MGAM: variants seen among roughly 807,000 people sequenced by gnomAD.
MGAM encodes the protein maltase-glucoamylase, also known as alpha-1,4-glucosidase.
MGAM carries 253 observed loss-of-function variants against 358.8 expected under a neutral mutation model. The observed-to-expected ratio is 0.71, with a 90% CI of 0.64 to 0.78. The LOEUF is 0.78. Among genes scored for constraint, MGAM ranks in the 30% least tolerant of loss-of-function variants. The pLI is 0.00. For missense variants in MGAM, 3,080 were observed against 3,432.6 expected (o/e 0.90, Z 2.57); for synonymous variants, 1,105 against 1,227.1 (o/e 0.90, Z 2.08).
chr7:142,048,051 G>A (rs1424899118), intron 22 of MGAM, among the ~76,000 whole-genome samples, 178 bp downstream of exon 22: 2 of 152,004 alleles, frequency 1.3e-5, no homozygotes, highest in Non-Finnish European at 2.9e-5. Flanking sequence ...ACCTACAAAG[G>A]AAAGAAAAAT....
intron 3 of MGAM, among the ~76,000 whole-genome samples, chr7:142,011,618 T>C (rs1554454382): frequency 1.3e-5 from 2 of 152,168 alleles, no homozygotes; most frequent in African/African-American, 4.8e-5. Context: ...GTAAGTCACA[T>C]TTTCTTATAA....
chr7:142,098,134 TTAGGCAATGTGC>T (rs1196252389), intron 66 of MGAM, among the ~76,000 whole-genome samples: 4 of 152,270 alleles, frequency 2.6e-5, no homozygotes, highest in African/African-American at 9.6e-5. Flanking sequence ...AAGCAAGTGA[TTAGGCAATGTGC>T]AAAACACACA....
intron 2 of MGAM, among the ~76,000 whole-genome samples, chr7:141,988,441 T>C (rs1345618155): frequency 6.6e-6 from 1 of 151,112 alleles, no homozygotes; most frequent in Non-Finnish European, 1.5e-5. Context: ...CTGGGCTCAC[T>C]GCAGTCTCTG....
rs377214911 is a variant in MGAM at position 142,034,702 on chromosome 7, G to A, written c.1820G>A (p.Ser607Asn). 4.3e-6 allele frequency: 7 copies of A among 1,613,396 alleles called. No homozygotes were observed. The highest frequency in any genetic ancestry group is 4.2e-6 in the Non-Finnish European group (5 of 1,179,632). The stretch of plus-strand genomic sequence containing the variant: ...AAGACTGTGTTCCCTAATAAGAGAA[G>A]CTTCATTCTGACCCGTTCTACCTTT... ...AAKTVFPNKR[S>N]FILTRSTFAG... Residue 607 changes from serine to asparagine, a missense_variant, in exon 16 of 71, where the codon AGC (serine) becomes AAC (asparagine). By Grantham distance (46) the Ser-to-Asn change is conservative. Coordinates refer to ENST00000475668, the MANE Select transcript of MGAM (RefSeq NM_001365693.1).
Position 142,074,158 on chromosome 7 carries a change from G to A in MGAM, c.5260G>A (p.Asp1754Asn). 6.5e-7 allele frequency: 1 copy of A among 1,538,270 alleles called. No homozygotes were observed. Residue 1754 changes from aspartate to asparagine, a missense_variant, in exon 45 of 71, where the codon GAT (aspartate) becomes AAT (asparagine). By Grantham distance (23) the Asp-to-Asn change is conservative (BLOSUM62 1). Transcript: ENST00000475668. ...AGCAAAAGGAGAACTTTTCTGGGAT[G>A]ATGGGCAAACAAAGGGTGAGCGCTG... is the stretch of plus-strand genomic sequence containing the variant. The part of the protein sequence containing the change: ...KEAKGELFWD[D>N]GQTKDTVAKK...
chr7:141,987,013 C>T (rs182813749), intron 2 of MGAM, among the ~76,000 whole-genome samples: 1 of 152,194 alleles, frequency 6.6e-6, no homozygotes, highest in Non-Finnish European at 1.5e-5. Context: ...TATGATTAGA[C>T]ATTTTTGGTG....
chr7:142,082,503 CCTA>C lies in MGAM; in HGVS notation c.6205_6207del (p.Tyr2069del). On this transcript the variant is annotated inframe_deletion, in exon 52 of 71. Transcript: ENST00000475668. ...AAGAAGAATTCCTATGGTGTCCACC[CCTA>C]CTACATGGGGCTAGAGGAGGATGGC... is the stretch of plus-strand genomic sequence containing the variant. The C allele has an allele frequency of 1.3e-6, 2 of 1,534,938 alleles. 1 individual carries two copies.
chr7:142,049,632 G>A (rs1285484128), intron 22 of MGAM, among the ~76,000 whole-genome samples: 2 of 152,140 alleles, frequency 1.3e-5, no homozygotes, highest in Non-Finnish European at 2.9e-5. Context: ...TAAAAAGTGG[G>A]TGAAGGACCT....
Position 142,006,583 on chromosome 7 carries a change from C to T in MGAM, c.127+926C>T, listed in dbSNP as rs937824062. Among the ~76,000 whole-genome samples, 3 of 152,116 alleles carry T rather than the reference C, an allele frequency of 2.0e-5. 1 individual carries two copies. Among genetic ancestry groups the T allele is most frequent in the Non-Finnish European group, 4.4e-5 (3 of 68,008 alleles). On this transcript the variant is annotated intron_variant, in intron 2 of 70. Transcript: ENST00000475668. ...CCCTCTTGGGAGCCATTGCTTTGTG[C>T]TTTGTCTTAAGGCTCATACTGGTAA...
At chr7:142,078,233 A>G in intron 47 of MGAM, 85 bp from the exon 48 acceptor site, 2 of 1,122,412 alleles carry the variant, frequency 1.8e-6, no homozygotes, top group South Asian at 3.7e-5. Context: ...TTGTTTTTCC[A>G]AAATAAATAA....
chr7:142,036,027 G>A (rs1807957635), intron 16 of MGAM, 142 bp from the exon 17 acceptor site: 1 of 623,154 alleles, frequency 1.6e-6, no homozygotes, highest in Admixed American at 2.9e-5. Flanking sequence ...AGTGGACACA[G>A]GCTATGACCA....
At chr7:141,992,972 A>G (rs574135612), upstream of MGAM, among the ~76,000 whole-genome samples, 86 of 152,334 alleles carry the variant, frequency 5.6e-4, no homozygotes, top group South Asian at 0.017. Context: ...TATGATGCCA[A>G]AGAAACACGG....
chr7:142,079,040 A>C, intron 49 of MGAM, 32 bp downstream of exon 49: 1 of 1,498,036 alleles, frequency 6.7e-7, no homozygotes, highest in Non-Finnish European at 9.2e-7. Context: ...GGCAGTGATA[A>C]GACCCTTTTC....
intron 21 of MGAM, among the ~76,000 whole-genome samples, chr7:142,044,902 A>G (rs897585102): frequency 8.8e-5 from 7 of 79,490 alleles, no homozygotes; most frequent in Non-Finnish European, 1.2e-4. Context: ...AATATATGAT[A>G]TATAATGTAT....
At chr7:142,068,839 T>C in intron 43 of MGAM, 136 bp downstream of exon 43, 1 of 751,580 alleles carries the variant, frequency 1.3e-6, no homozygotes, top group Non-Finnish European at 2.2e-6. Context: ...ACTTTAACCC[T>C]TGTAATCTCA....
intron 21 of MGAM, among the ~76,000 whole-genome samples, chr7:142,044,597 CACGTGTAATATATGATAT>C (rs1809761990): frequency 1.6e-5 from 2 of 123,796 alleles, no homozygotes; most frequent in African/African-American, 6.0e-5. Flanking sequence ...ATATTATATA[CACGTGTAATATATGATAT>C]ATAATGTATA....
chr7:142,099,485 C>G, intron 66 of MGAM, 128 bp from the exon 67 acceptor site: 1 of 1,418,028 alleles, frequency 7.1e-7, no homozygotes, highest in Admixed American at 1.8e-5. Context: ...TGGGTAATGG[C>G]AGGTATGTTG....
intron 21 of MGAM, among the ~76,000 whole-genome samples, chr7:142,045,138 T>TATAA (rs1809911077): frequency 1.3e-5 from 1 of 77,140 alleles, no homozygotes; most frequent in African/African-American, 3.9e-5. Flanking sequence ...AATATGTATA[T>TATAA]TATATATCAT....
chr7:142,081,512 C>T (rs964943143), intron 50 of MGAM, among the ~76,000 whole-genome samples: 2 of 145,570 alleles, frequency 1.4e-5, no homozygotes, highest in African/African-American at 4.9e-5. Flanking sequence ...GCGAAGCTGG[C>T]ATGCTAAAGA....
Sources: allele counts gnomAD v4.1 joint callset (sites outside exome capture counted in the v4.1 genomes callset), GRCh38; gene constraint gnomAD v4.1.1; transcripts MANE v1.5; gene names NCBI Gene and HGNC (gene_info 2026-07-23, HGNC 2026-07-21).